Variants in EPB41 observed in about 807,000 individuals in gnomAD.
The protein encoded by EPB41 is protein 4.1.
A neutral mutation model predicts 108.0 loss-of-function variants in EPB41; 65 were observed. The ratio of observed to expected loss-of-function variants is 0.60; its 90% confidence interval spans 0.49 to 0.74. The LOEUF (loss-of-function observed/expected upper bound fraction) is 0.74, where lower values mean the gene tolerates loss of function less well. EPB41 is among the 30% of genes least tolerant of loss of function. The pLI, the probability that EPB41 is intolerant of heterozygous loss-of-function variation, is 0.00. For missense variants in EPB41, 875 were observed against 1,037.0 expected (o/e 0.84, Z 2.15); for synonymous variants, 336 against 358.9 (o/e 0.94, Z 0.72).
chr1:29,085,610 C>CT (rs1352285593), intron 16 of EPB41, among the ~76,000 whole-genome samples: 1 of 151,836 alleles, frequency 6.6e-6, no homozygotes, highest in Admixed American at 6.6e-5. Flanking sequence ...CTTTTCTTTT[C>CT]TTTTTTACCC....
intron 15 of EPB41, among the ~76,000 whole-genome samples, chr1:29,062,900 C>T (rs1248047763): frequency 1.3e-5 from 2 of 152,164 alleles, no homozygotes; most frequent in African/African-American, 4.8e-5. Context: ...AGAAAGCTCC[C>T]TCAGAAGCTA....
chr1:28,910,849 G>C (rs559454416), upstream of EPB41, among the ~76,000 whole-genome samples: 12 of 152,202 alleles, frequency 7.9e-5, no homozygotes, highest in South Asian at 1.7e-3. Context: ...CAAGGGGTAG[G>C]GGGTGGGGAG....
chr1:29,046,563 T>A (rs2150580586), intron 11 of EPB41, among the ~76,000 whole-genome samples: 1 of 152,350 alleles, frequency 6.6e-6, no homozygotes, highest in East Asian at 1.9e-4. Context: ...TTTCTTTAAT[T>A]GCTTTGTTGC....
chr1:29,024,341 A>G (rs1322459250), intron 7 of EPB41, among the ~76,000 whole-genome samples: 1 of 143,130 alleles, frequency 7.0e-6, no homozygotes, highest in African/African-American at 2.6e-5. Flanking sequence ...TCTAAAAATA[A>G]ATAAATTAAA....
chr1:28,992,921 T>C (rs1015494794), intron 2 of EPB41, among the ~76,000 whole-genome samples: 1 of 152,228 alleles, frequency 6.6e-6, no homozygotes, highest in Non-Finnish European at 1.5e-5. Flanking sequence ...ATTTAAAATT[T>C]AGAATATGTA....
chr1:28,952,441 A>G (rs1164759142), intron 1 of EPB41, among the ~76,000 whole-genome samples: 2 of 152,102 alleles, frequency 1.3e-5, no homozygotes, highest in African/African-American at 4.8e-5. Context: ...TGGGAGAATC[A>G]CTTGAACCCG....
chr1:29,022,566 C>T (rs2096660060), intron 7 of EPB41, among the ~76,000 whole-genome samples: 1 of 151,306 alleles, frequency 6.6e-6, no homozygotes, highest in African/African-American at 2.4e-5. Flanking sequence ...ACTAAAAATA[C>T]AAAAATTAGC....
At position 29,053,013 on chromosome 1, in the gene EPB41, C is replaced by T. The variant is rs1299834207; in HGVS notation, c.1637-91C>T. On this transcript the variant is annotated intron_variant, in intron 11 of 20. Coordinates refer to ENST00000343067, the MANE Select transcript of EPB41 (RefSeq NM_001376013.1). ...TACACACTCTAACATTCGTGTGTAT[C>T]CTGGATTCACAATTATTTTGCCTGG... is the stretch of plus-strand genomic sequence containing the variant. The T allele has an allele frequency of 5.8e-6, 8 of 1,385,232 alleles. No individual in the cohort carries two copies. In the Admixed American group the frequency reaches 1.3e-4, roughly 23 times the overall value. 85.8% of individuals were successfully genotyped at this position (1,385,232 alleles called of 1,614,324 possible).
In EPB41 at chr1:29,100,297, C is replaced by T. The variant is rs995565025; in HGVS notation, c.2313+2362C>T. ...CAGCCTGACCAACATAGAGAAACCC[C>T]GTCTCTACTAAAATACAAAAAAATT... is the stretch of plus-strand genomic sequence containing the variant. On this transcript the variant is annotated intron_variant, in intron 17 of 20. Transcript: ENST00000343067. 4.5e-4 allele frequency among the ~76,000 whole-genome samples: 45 copies of T among 99,738 alleles called. 1 individual carries two copies. Among genetic ancestry groups the T allele is most frequent in the Admixed American group, 9.6e-4 (9 of 9,414 alleles). The allele number at this position is 99,738 out of a possible 152,430, so 65.4% of individuals were successfully genotyped here. A position where few individuals can be genotyped will look rare whatever the true frequency, so the allele number is the denominator to read the frequency against.
intron 1 of EPB41, among the ~76,000 whole-genome samples, chr1:28,908,589 G>A (rs891475220): frequency 6.0e-5 from 9 of 149,780 alleles, no homozygotes; most frequent in South Asian, 2.1e-4. Context: ...GTGCCACCAC[G>A]CCTGGCTAAT....
intron 18 of EPB41, among the ~76,000 whole-genome samples, chr1:29,111,521 C>T (rs1033791530): frequency 1.3e-5 from 2 of 151,858 alleles, no homozygotes; most frequent in Admixed American, 1.3e-4. Context: ...GGCGTGGTGG[C>T]AGGCGCCTGT....
chr1:28,971,782 AATG>A (rs1357391653), intron 1 of EPB41, among the ~76,000 whole-genome samples: 2 of 152,216 alleles, frequency 1.3e-5, no homozygotes, highest in African/African-American at 4.8e-5. Context: ...TCAGGTTCAT[AATG>A]ATGACTAAAT....
intron 1 of EPB41, among the ~76,000 whole-genome samples, chr1:28,936,570 A>G (rs927354875): frequency 3.3e-5 from 5 of 152,062 alleles, no homozygotes; most frequent in Non-Finnish European, 7.4e-5. Flanking sequence ...ATCCCCCCAG[A>G]CTCTGGCAAT....
At chr1:29,059,017 A>G (rs1049481563) in intron 14 of EPB41, among the ~76,000 whole-genome samples, 165 bp downstream of exon 14, 1 of 152,148 alleles carries the variant, frequency 6.6e-6, no homozygotes, top group East Asian at 1.9e-4. Context: ...GCTCACACCT[A>G]TAATCCCAGC....
At chr1:28,958,232 TGAGCTTAG>T (rs1327851171) in intron 1 of EPB41, among the ~76,000 whole-genome samples, 1 of 152,144 alleles carries the variant, frequency 6.6e-6, no homozygotes, top group Non-Finnish European at 1.5e-5. Context: ...CTTGGTCCCT[TGAGCTTAG>T]GAGTTGGAGA....
Position 28,914,600 on chromosome 1 carries a change from C to T in EPB41, c.-176C>T, listed in dbSNP as rs932563936. 6.6e-6 allele frequency: 1 copy of T among 151,500 alleles called. No homozygotes were observed. The highest frequency in any genetic ancestry group is 1.5e-5 in the Non-Finnish European group (1 of 67,828). 9.4% of individuals were successfully genotyped at this position (151,500 alleles called of 1,614,324 possible). A position where few individuals can be genotyped will look rare whatever the true frequency, so the allele number is the denominator to read the frequency against. Reference sequence around the variant, plus strand: ...AAGGCGGGAGGGCGCGCGCCAGGGTCGCTCGCTCGCTCCCTCCCTCCGCTG... The same window carrying T: ...AAGGCGGGAGGGCGCGCGCCAGGGTTGCTCGCTCGCTCCCTCCCTCCGCTG... On this transcript the variant is annotated 5_prime_UTR_variant, in exon 1 of 21. Coordinates refer to ENST00000343067, the MANE Select transcript of EPB41 (RefSeq NM_001376013.1).
rs940591684 is a variant in EPB41 at position 28,977,552 on chromosome 1, G to A, written c.-7-9879G>A. 3.3e-5 allele frequency among the ~76,000 whole-genome samples: 5 copies of A among 152,224 alleles called. No individual in the cohort carries two copies. In the South Asian group the frequency reaches 6.2e-4, roughly 19 times the overall value. On this transcript the variant is annotated intron_variant, in intron 1 of 20. Transcript: ENST00000343067. ...AACTCGTCACTTTTTCTTCAGTGTT[G>A]TGTAGATTCTTTGTTTGTTTGTTTG... is the stretch of plus-strand genomic sequence containing the variant.
Position 29,079,457 on chromosome 1 carries a change from A to G in EPB41, c.2184+14299A>G, listed in dbSNP as rs1655503319. On this transcript the variant is annotated intron_variant, in intron 16 of 20. Coordinates refer to ENST00000343067, the MANE Select transcript of EPB41 (RefSeq NM_001376013.1). ...TTTTTTGAGGTGGAGTCTTCCTGTC[A>G]CCCAGGCTGGAGTGCAGTGACACGA... Among the ~76,000 whole-genome samples the G allele has an allele frequency of 3.5e-5, 5 of 140,902 alleles. 1 individual carries two copies. The South Asian group carries it at 9.0e-4, about 25-fold the overall frequency. The allele number at this position is 140,902 out of a possible 152,430, so 92.4% of individuals were successfully genotyped here. A position where few individuals can be genotyped will look rare whatever the true frequency, so the allele number is the denominator to read the frequency against.
chr1:28,967,269 T>C (rs1002970665), intron 1 of EPB41, among the ~76,000 whole-genome samples: 18 of 152,098 alleles, frequency 1.2e-4, no homozygotes, highest in Admixed American at 1.1e-3. Flanking sequence ...CCACCCGCCT[T>C]GGCCTCCCAA....
Sources: gnomAD v4.1 joint callset for allele counts (sites outside exome capture counted in the v4.1 genomes callset) on GRCh38, gnomAD v4.1.1 for gene constraint, MANE v1.5 for transcripts, NCBI Gene and HGNC (gene_info 2026-07-23, HGNC 2026-07-21) for gene names.